Variants in PLD5 observed in about 807,000 individuals in gnomAD.
The protein encoded by PLD5 is phospholipase D family member 5, also known as inactive phospholipase D5.
In PLD5, 36 loss-of-function variants were observed where a neutral mutation model predicts 61.1. The observed-to-expected ratio is 0.59, with a 90% CI of 0.45 to 0.78. The LOEUF (loss-of-function observed/expected upper bound fraction) is 0.78. Among genes scored for constraint, PLD5 ranks in the 30% least tolerant of loss-of-function variants. The pLI, the probability that PLD5 is intolerant of heterozygous loss-of-function variation, is 0.00. For synonymous variants in PLD5, 243 were observed against 242.8 expected, an observed-to-expected ratio of 1.00 and a Z score of -0.01; for missense variants, 515 against 644.4, an observed-to-expected ratio of 0.80 and a Z score of 2.17.
At chr1:242,116,931 A>C (rs377559258) in intron 6 of PLD5, among the ~76,000 whole-genome samples, 1 of 152,092 alleles carries the variant, frequency 6.6e-6, no homozygotes, top group East Asian at 1.9e-4. Context: ...TCTGTCACCA[A>C]GATAGAAAGC....
intron 1 of PLD5, among the ~76,000 whole-genome samples, chr1:242,398,920 C>CTT (rs1287876791): frequency 1.3e-5 from 2 of 151,934 alleles, no homozygotes; most frequent in Admixed American, 6.6e-5. Flanking sequence ...TGAAGTTGTC[C>CTT]AAAATTCTAA....
intron 5 of PLD5, among the ~76,000 whole-genome samples, chr1:242,191,653 T>A (rs147506578): frequency 2.0e-5 from 3 of 151,478 alleles, no homozygotes; most frequent in African/African-American, 7.3e-5. Context: ...AACCCAGATA[T>A]GAGTAGAAGG....
intron 1 of PLD5, among the ~76,000 whole-genome samples, chr1:242,425,892 A>T (rs1386009422): frequency 2.0e-5 from 3 of 151,884 alleles, no homozygotes; most frequent in Non-Finnish European, 4.4e-5. Flanking sequence ...ATCGGCCCAC[A>T]TTGGCCTCCC....
intron 5 of PLD5, among the ~76,000 whole-genome samples, chr1:242,190,302 C>G (rs937001267): frequency 6.6e-6 from 1 of 151,832 alleles, no homozygotes; most frequent in Non-Finnish European, 1.5e-5. Flanking sequence ...CCTGCCACCA[C>G]GCCCGGCTAA....
chr1:242,431,584 C>CT (rs1665722883), intron 1 of PLD5, among the ~76,000 whole-genome samples: 1 of 152,212 alleles, frequency 6.6e-6, no homozygotes, highest in Non-Finnish European at 1.5e-5. Context: ...TACACATCTT[C>CT]TTTTAACTAC....
chr1:242,104,324 G>A (rs1660893250), intron 8 of PLD5, among the ~76,000 whole-genome samples: 1 of 146,472 alleles, frequency 6.8e-6, no homozygotes, highest in South Asian at 2.2e-4. Flanking sequence ...TGTAGAAATA[G>A]GGTCTTGCCA....
chr1:242,253,299 T>C (rs1442726425), intron 4 of PLD5, among the ~76,000 whole-genome samples: 2 of 134,992 alleles, frequency 1.5e-5, no homozygotes, highest in Non-Finnish European at 3.1e-5. Context: ...ACCCAGCCTC[T>C]CTTCACTTTT....
At chr1:242,204,959 C>T (rs1558340345) in intron 5 of PLD5, among the ~76,000 whole-genome samples, 1 of 152,176 alleles carries the variant, frequency 6.6e-6, no homozygotes, top group Non-Finnish European at 1.5e-5. Context: ...GCGTATGTTA[C>T]TGAAAGCCAA....
intron 5 of PLD5, among the ~76,000 whole-genome samples, chr1:242,162,167 T>C (rs74150815): frequency 0.014 from 2,183 of 152,232 alleles, 54 homozygotes; most frequent in East Asian, 0.057. Context: ...AAAATGAAAC[T>C]TCCAATTAAA....
intron 1 of PLD5, among the ~76,000 whole-genome samples, chr1:242,482,396 A>G (rs1475917264): frequency 1.3e-5 from 2 of 152,256 alleles, no homozygotes; most frequent in Non-Finnish European, 2.9e-5. Flanking sequence ...ACGGCACAAG[A>G]ACTATGTGAC....
At chr1:242,166,354 C>T (rs553338497) in intron 5 of PLD5, among the ~76,000 whole-genome samples, 3 of 152,342 alleles carry the variant, frequency 2.0e-5, no homozygotes, top group African/African-American at 7.2e-5. Context: ...CCACGTTCAG[C>T]TCCCCTTCAT....
intron 5 of PLD5, among the ~76,000 whole-genome samples, chr1:242,179,094 C>T (rs1288203281): frequency 6.6e-6 from 1 of 152,194 alleles, no homozygotes; most frequent in Non-Finnish European, 1.5e-5. Context: ...AGGTGAGCCA[C>T]TCATGCAGAG....
intron 8 of PLD5, among the ~76,000 whole-genome samples, chr1:242,103,934 T>C (rs746756613): frequency 6.6e-6 from 1 of 152,246 alleles, no homozygotes; most frequent in African/African-American, 2.4e-5. Flanking sequence ...AGCATTGTTT[T>C]TGGAAATTTA....
At chr1:242,164,613 T>G (rs999619652) in intron 5 of PLD5, among the ~76,000 whole-genome samples, 2 of 152,146 alleles carry the variant, frequency 1.3e-5, no homozygotes, top group African/African-American at 4.8e-5. Context: ...AAGCATCCAG[T>G]GAGTGAACAA....
At chr1:242,277,187 A>G (rs1674462077) in intron 3 of PLD5, among the ~76,000 whole-genome samples, 1 of 152,198 alleles carries the variant, frequency 6.6e-6, no homozygotes, top group Admixed American at 6.5e-5. Flanking sequence ...GCCTGGCATC[A>G]TTCCTTTGCT....
intron 1 of PLD5, among the ~76,000 whole-genome samples, chr1:242,473,474 A>G (rs1321758299): frequency 6.6e-6 from 1 of 152,246 alleles, no homozygotes; most frequent in Non-Finnish European, 1.5e-5. Context: ...GATGTTACAC[A>G]GGCTAGTTGT....
intron 1 of PLD5, among the ~76,000 whole-genome samples, chr1:242,430,064 C>T (rs1303161770): frequency 6.6e-6 from 1 of 152,088 alleles, no homozygotes; most frequent in Non-Finnish European, 1.5e-5. Context: ...TTAGGCTCCA[C>T]AAGTCTTTAA....
rs570917403 is a variant in PLD5, at chr1:242,313,742, C to T, written c.327-25212G>A. ...CTTCCTTTACTTTTTGCCTATCTTC[C>T]ATTTTGATGAACAAATACAATGCCT... is the stretch of plus-strand genomic sequence containing the variant. On this transcript the variant is annotated intron_variant, in intron 2 of 9. Transcript: ENST00000536534. Among the ~76,000 whole-genome samples, 19 of 152,180 alleles carry T rather than the reference C, an allele frequency of 1.2e-4. No individual in the cohort carries two copies. In the South Asian group the frequency reaches 3.9e-3, roughly 32 times the overall value.
At position 242,157,272 on chromosome 1, in the gene PLD5, C is replaced by A. The variant is rs941316648; in HGVS notation, c.736-32607G>T. Reference sequence around the variant, plus strand: ...ATTCGTCTAACCTTTTCTCAAGGTTCTTAGCTTCCTTGCATTGGGTTAGAA... The same window carrying A: ...ATTCGTCTAACCTTTTCTCAAGGTTATTAGCTTCCTTGCATTGGGTTAGAA... On this transcript the variant is annotated intron_variant, in intron 5 of 9. Coordinates refer to ENST00000536534, the MANE Select transcript of PLD5 (RefSeq NM_001372062.1). Among the ~76,000 whole-genome samples, 3 of 152,212 alleles carry A rather than the reference C, an allele frequency of 2.0e-5. No individual in the cohort carries two copies. In the East Asian group the frequency reaches 5.8e-4, roughly 29 times the overall value.
Sources: gnomAD v4.1 joint callset for allele counts (sites outside exome capture counted in the v4.1 genomes callset) on GRCh38, gnomAD v4.1.1 for gene constraint, MANE v1.5 for transcripts, NCBI Gene and HGNC (gene_info 2026-07-23, HGNC 2026-07-21) for gene names.